NDC80: variants seen among roughly 807,000 people sequenced by gnomAD.
NDC80 encodes the protein NDC80 kinetochore complex component.
A neutral mutation model predicts 89.3 loss-of-function variants in NDC80; 69 were observed. That is an observed-to-expected ratio of 0.77 (90% CI 0.64 to 0.94). The LOEUF (loss-of-function observed/expected upper bound fraction) is 0.94, where lower values mean the gene tolerates loss of function less well. Ranked by LOEUF, NDC80 falls within the 40% of genes least tolerant of loss-of-function variation. The probability of loss-of-function intolerance (pLI) is 0.00; values close to 1 mark genes in which losing one functional copy is unlikely to be tolerated. For synonymous variants in NDC80, 243 were observed against 255.6 expected (o/e 0.95, Z 0.47); for missense variants, 593 against 739.6 (o/e 0.80, Z 2.30).
At chr18:2,614,670 C>G (rs2072775025) in intron 16 of NDC80, among the ~76,000 whole-genome samples, 1 of 148,246 alleles carries the variant, frequency 6.7e-6, no homozygotes, top group African/African-American at 2.5e-5. Flanking sequence ...ATTTGGCAAT[C>G]CGAAAAACCA....
chr18:2,585,018 A>G, intron 6 of NDC80, 95 bp from the exon 7 acceptor site: 1 of 812,342 alleles, frequency 1.2e-6, no homozygotes, highest in South Asian at 1.5e-5. Context: ...AATAATGTAA[A>G]TGCTTCTAAA....
chr18:2,574,504 A>AT (rs1457890556), intron 2 of NDC80, among the ~76,000 whole-genome samples: 3 of 152,078 alleles, frequency 2.0e-5, no homozygotes, highest in African/African-American at 7.2e-5. Flanking sequence ...TCAATTTTTA[A>AT]TTTTTTCTGT....
intron 16 of NDC80, among the ~76,000 whole-genome samples, chr18:2,613,179 T>A (rs1490949446): frequency 6.6e-6 from 1 of 152,158 alleles, no homozygotes; most frequent in East Asian, 1.9e-4. Context: ...TAAATAAAGT[T>A]TTATTGGAGC....
Position 2,610,709 on chromosome 18 carries a change from T to C in NDC80, c.1689-50T>C, listed in dbSNP as rs1036830443. The C allele has an allele frequency of 6.5e-6, 8 of 1,235,668 alleles. No individual in the cohort carries two copies. The African/African-American group carries it at 7.5e-5, about 12-fold the overall frequency. The allele number at this position is 1,235,668 out of a possible 1,614,324, so 76.5% of individuals were successfully genotyped here. Reference sequence around the variant, plus strand: ...TGGGAAGTGAGCTAACTAGAACGGATGTATTAATTTTTTTCCTGGACAACT... The same window carrying C: ...TGGGAAGTGAGCTAACTAGAACGGACGTATTAATTTTTTTCCTGGACAACT... On this transcript the variant is annotated intron_variant, in intron 15 of 16. Coordinates refer to ENST00000261597, the MANE Select transcript of NDC80 (RefSeq NM_006101.3).
At chr18:2,590,498 C>T (rs1033939472) in intron 10 of NDC80, among the ~76,000 whole-genome samples, 1 of 152,160 alleles carries the variant, frequency 6.6e-6, no homozygotes, top group African/African-American at 2.4e-5. Context: ...CACATCACTC[C>T]GATCTCTGCC....
intron 12 of NDC80, among the ~76,000 whole-genome samples, chr18:2,601,087 C>A (rs1037388355): frequency 2.0e-5 from 3 of 151,368 alleles, no homozygotes; most frequent in African/African-American, 2.4e-5. Flanking sequence ...GAATTGTTTT[C>A]AAAAAAAATA....
At chr18:2,605,772 G>A (rs2072708437) in intron 13 of NDC80, among the ~76,000 whole-genome samples, 1 of 151,944 alleles carries the variant, frequency 6.6e-6, no homozygotes, top group Admixed American at 6.6e-5. Flanking sequence ...TTTCCTGCAG[G>A]AAACAGTTTC....
At chr18:2,575,388 G>A (rs954536499) in intron 3 of NDC80, among the ~76,000 whole-genome samples, 2 of 152,148 alleles carry the variant, frequency 1.3e-5, no homozygotes, top group African/African-American at 2.4e-5. Context: ...CCAGCGCTTT[G>A]GGAGGCTTTG....
intron 11 of NDC80, among the ~76,000 whole-genome samples, chr18:2,597,736 A>T (rs988656921): frequency 1.3e-5 from 2 of 152,108 alleles, no homozygotes; most frequent in Non-Finnish European, 2.9e-5. Flanking sequence ...GTCTAAAAAA[A>T]AAAAAATAAA....
At chr18:2,608,656 A>T (rs780497021) in intron 14 of NDC80, 44 bp from the exon 15 acceptor site, 33 of 1,575,682 alleles carry the variant, frequency 2.1e-5, no homozygotes, top group Non-Finnish European at 2.8e-5. Flanking sequence ...AGTATACAGA[A>T]TGTGAATATC....
chr18:2,588,412 C>CT (rs79990238), intron 8 of NDC80, among the ~76,000 whole-genome samples: 140 of 143,258 alleles, frequency 9.8e-4, no homozygotes, highest in East Asian at 3.0e-3. Context: ...TAAGGAAAAT[C>CT]TTTTTTTTTT....
chr18:2,599,745 C>G (rs934143403), intron 12 of NDC80, among the ~76,000 whole-genome samples: 1 of 152,086 alleles, frequency 6.6e-6, no homozygotes, highest in African/African-American at 2.4e-5. Flanking sequence ...TGTAACTTGT[C>G]AGTTATTTAT....
Position 2,599,165 on chromosome 18 carries a change from A to C in NDC80, c.1368A>C (p.Gln456His). 2 of 1,602,914 alleles carry C rather than the reference A, an allele frequency of 1.2e-6. No homozygotes were observed. The highest frequency in any genetic ancestry group is 2.7e-5 in the African/African-American group (2 of 74,312). Reference sequence around the variant, plus strand: ...ACTGCCTTGTCAAATACAGGGCTCAAGTTTATGTAAGTAATCATGACTACT... The same window carrying C: ...ACTGCCTTGTCAAATACAGGGCTCACGTTTATGTAAGTAATCATGACTACT... ...GANCLVKYRA[Q>H]VYVPLKELLN... The change falls in exon 12 of 17, where the codon CAA becomes CAC. Residue 456 changes from glutamine to histidine, a missense_variant. Physicochemically the swap from Gln to His is conservative, Grantham distance 24 (BLOSUM62 0). Coordinates refer to ENST00000261597, the MANE Select transcript of NDC80 (RefSeq NM_006101.3).
At chr18:2,574,139 CAT>C (rs981318634) in intron 2 of NDC80, among the ~76,000 whole-genome samples, 2 of 152,076 alleles carry the variant, frequency 1.3e-5, no homozygotes, top group Non-Finnish European at 2.9e-5. Flanking sequence ...ACAAACAGCA[CAT>C]GTTCTCATAG....
At chr18:2,607,965 G>GTA (rs3033372) in intron 14 of NDC80, among the ~76,000 whole-genome samples, 6,929 of 67,932 alleles carry the variant, frequency 0.1, 438 homozygotes, top group Non-Finnish European at 0.13. Context: ...TATATACATA[G>GTA]TATATATATA....
rs878977184 is a variant in NDC80 at position 2,608,758 on chromosome 18, A to G, written c.1616A>G (p.Lys539Arg). 1 of 1,613,352 alleles carries G rather than the reference A, an allele frequency of 6.2e-7. No homozygotes were observed. The highest frequency in any genetic ancestry group is 8.5e-7 in the Non-Finnish European group (1 of 1,179,428). ...ASELESLEKH[K>R]HLLESTVNQG... Reference sequence around the variant, plus strand: ...GAGCTTGAGTCCTTGGAGAAACACAAGCACCTGCTAGAAAGTACTGTTAAC... The same window carrying G: ...GAGCTTGAGTCCTTGGAGAAACACAGGCACCTGCTAGAAAGTACTGTTAAC... The change falls in exon 15 of 17, where the codon AAG (lysine) becomes AGG (arginine). Residue 539 changes from lysine to arginine, a missense_variant. Transcript: ENST00000261597.
intron 10 of NDC80, among the ~76,000 whole-genome samples, chr18:2,592,726 T>G (rs1428058254): frequency 6.6e-6 from 1 of 152,122 alleles, no homozygotes; most frequent in Non-Finnish European, 1.5e-5. Context: ...GCATAAAGTT[T>G]TACTTTATCT....
intron 6 of NDC80, chr18:2,582,650 A>G (rs2072584307): frequency 6.6e-6 from 1 of 152,312 alleles, no homozygotes; most frequent in East Asian, 1.9e-4. Flanking sequence ...GTTGAAGTTT[A>G]TTCACTTTTA....
Position 2,577,838 on chromosome 18 carries a change from T to G in NDC80, c.272T>G (p.Phe91Cys). 6.2e-7 allele frequency: 1 copy of G among 1,614,152 alleles called. No individual in the cohort carries two copies. The highest frequency in any genetic ancestry group is 8.5e-7 in the Non-Finnish European group (1 of 1,179,996). ...KDPRPLNDKAFIQQCIRQLCE... is the reference protein window; with the variant it reads ...KDPRPLNDKACIQQCIRQLCE... ...CCGAGACCACTTAATGACAAAGCATTCATTCAGCAGTGTATTCGACAACTC... is the reference window on the plus strand; with the variant it reads ...CCGAGACCACTTAATGACAAAGCATGCATTCAGCAGTGTATTCGACAACTC... Residue 91 changes from phenylalanine (F) to cysteine (C), a missense_variant, in exon 4 of 17, where the codon TTC becomes TGC. Coordinates refer to ENST00000261597, the MANE Select transcript of NDC80 (RefSeq NM_006101.3).
Sources: allele counts gnomAD v4.1 joint callset (sites outside exome capture counted in the v4.1 genomes callset), GRCh38; gene constraint gnomAD v4.1.1; transcripts MANE v1.5; gene names NCBI Gene and HGNC (gene_info 2026-07-23, HGNC 2026-07-21).